Variants in TRAP1 observed in about 807,000 individuals in gnomAD.
TRAP1 encodes heat shock protein 75 kDa, mitochondrial.
In TRAP1, 102 loss-of-function variants were observed where a neutral mutation model predicts 89.1. That is an observed-to-expected ratio of 1.15 (90% CI 0.98 to 1.35). The LOEUF is 1.35. Ranked by LOEUF, TRAP1 falls within the 40% of genes most tolerant of loss-of-function variation. The pLI is 0.00. For synonymous variants in TRAP1, 508 were observed against 388.0 expected (o/e 1.31, Z -3.64); for missense variants, 1,256 against 945.3 (o/e 1.33, Z -4.31).
chr16:3,664,163 G>A, intron 13 of TRAP1, 111 bp downstream of exon 13: 1 of 1,219,998 alleles, frequency 8.2e-7, no homozygotes, highest in Non-Finnish European at 1.1e-6. Context: ...CTGACCCACT[G>A]TGCAGCCCTG....
intron 1 of TRAP1, among the ~76,000 whole-genome samples, chr16:3,715,370 G>A (rs967766992): frequency 1.6e-4 from 24 of 152,026 alleles, no homozygotes; most frequent in African/African-American, 4.1e-4. Flanking sequence ...CCCGGGAGGC[G>A]GAGCTTGCAG....
intron 5 of TRAP1, among the ~76,000 whole-genome samples, 186 bp downstream of exon 5, chr16:3,679,533 T>C (rs2051046388): frequency 6.6e-6 from 1 of 152,146 alleles, no homozygotes; most frequent in Non-Finnish European, 1.5e-5. Context: ...AACCCCTAGA[T>C]ACTGAGGGAC....
chr16:3,701,448 G>C (rs754428056), intron 1 of TRAP1, among the ~76,000 whole-genome samples: 2 of 151,788 alleles, frequency 1.3e-5, no homozygotes, highest in Non-Finnish European at 2.9e-5. Context: ...AGCACTTTGG[G>C]AGGCTGAAAC....
intron 16 of TRAP1, 118 bp downstream of exon 16, chr16:3,661,869 C>T: frequency 1.5e-6 from 2 of 1,313,856 alleles, no homozygotes; most frequent in Non-Finnish European, 2.0e-6. Context: ...TTATAGTTAC[C>T]CACATGTCCA....
At chr16:3,698,721 A>T (rs1288592928) in intron 1 of TRAP1, among the ~76,000 whole-genome samples, 1 of 152,188 alleles carries the variant, frequency 6.6e-6, no homozygotes, top group South Asian at 2.1e-4. Flanking sequence ...AGCCTGGGTA[A>T]CATGGCAAAA....
At chr16:3,680,045 C>T (rs2051054367) in intron 4 of TRAP1, 2 of 404,808 alleles carry the variant, frequency 4.9e-6, no homozygotes, top group Admixed American at 3.5e-5. Context: ...GCCTGGCCAA[C>T]ATGGTAAAAC....
intron 12 of TRAP1, chr16:3,665,488 T>A (rs2050810597): frequency 6.4e-6 from 1 of 155,934 alleles, no homozygotes; most frequent in Non-Finnish European, 1.4e-5. Context: ...GTTTCGTTTT[T>A]CAGCCATCCA....
intron 11 of TRAP1, among the ~76,000 whole-genome samples, chr16:3,667,757 AT>A (rs745741003): frequency 0.013 from 1,572 of 117,704 alleles, 14 homozygotes; most frequent in African/African-American, 0.028. Flanking sequence ...TAACACATCA[AT>A]TTTTTTTTTT....
intron 1 of TRAP1, among the ~76,000 whole-genome samples, chr16:3,692,469 G>C (rs1349813707): frequency 1.3e-5 from 2 of 151,058 alleles, no homozygotes; most frequent in Non-Finnish European, 2.9e-5. Context: ...TTGGGAAGTG[G>C]AGGTTGCAGT....
At chr16:3,699,702 C>T (rs541252860) in intron 1 of TRAP1, among the ~76,000 whole-genome samples, 10 of 151,318 alleles carry the variant, frequency 6.6e-5, no homozygotes, top group Admixed American at 1.3e-4. Flanking sequence ...AGAGATTGCT[C>T]TGTCACCCAG....
At chr16:3,694,573 A>T (rs1451175286) in intron 1 of TRAP1, among the ~76,000 whole-genome samples, 1 of 152,074 alleles carries the variant, frequency 6.6e-6, no homozygotes. Flanking sequence ...CCTGACCTCA[A>T]GTGATCTGCC....
intron 3 of TRAP1, 81 bp downstream of exon 3, chr16:3,688,974 G>C (rs2051174804): frequency 2.3e-6 from 3 of 1,284,934 alleles, no homozygotes; most frequent in South Asian, 1.3e-5. Context: ...ATATTATCTG[G>C]CAATTCTCCA....
intron 1 of TRAP1, among the ~76,000 whole-genome samples, chr16:3,714,436 G>A (rs1335400570): frequency 2.0e-5 from 3 of 152,162 alleles, no homozygotes; most frequent in Admixed American, 1.3e-4. Flanking sequence ...CAAGGCTAGT[G>A]GATCATGAGG....
At position 3,662,978 on chromosome 16, in the gene TRAP1, G is replaced by T. The variant is rs373961891; in HGVS notation, c.1709-11C>A. 1.3e-4 allele frequency: 215 copies of T among 1,597,574 alleles called. 1 individual carries two copies. Among genetic ancestry groups the T allele is most frequent in the Admixed American group, 6.5e-4 (38 of 58,770 alleles). On this transcript the variant is annotated splice_polypyrimidine_tract_variant and intron_variant, in intron 14 of 17. Coordinates refer to ENST00000246957, the MANE Select transcript of TRAP1 (RefSeq NM_016292.3). ...ATAGGCACTCGGCGGCTGCGGAAGA[G>T]CAGGCGACAGGGAGCTCAGGCCTGC...
At chr16:3,669,598 G>A (rs878934384) in intron 11 of TRAP1, among the ~76,000 whole-genome samples, 1 of 152,000 alleles carries the variant, frequency 6.6e-6, no homozygotes, top group Non-Finnish European at 1.5e-5. Context: ...ACTTTGGGAG[G>A]CCGAGGCAGG....
In TRAP1 at chr16:3,672,591, T is replaced by C. The variant is rs1241241930; in HGVS notation, c.1165+109A>G. On this transcript the variant is annotated intron_variant, in intron 10 of 17. Coordinates refer to ENST00000246957, the MANE Select transcript of TRAP1 (RefSeq NM_016292.3). ...CACAGGCAGCGCAGGCCGACGGCGGTGCTCTCGCTGCAGAGGGCTGCTGAG... is the reference window on the plus strand; with the variant it reads ...CACAGGCAGCGCAGGCCGACGGCGGCGCTCTCGCTGCAGAGGGCTGCTGAG... 2.8e-6 allele frequency: 4 copies of C among 1,441,378 alleles called. No individual in the cohort carries two copies. In the Admixed American group the frequency reaches 7.9e-5, roughly 29 times the overall value. 89.3% of individuals were successfully genotyped at this position (1,441,378 alleles called of 1,614,324 possible). A position where few individuals can be genotyped will look rare whatever the true frequency, so the allele number is the denominator to read the frequency against.
At chr16:3,679,893 A>G in intron 4 of TRAP1, 103 bp from the exon 5 acceptor site, 1 of 1,094,100 alleles carries the variant, frequency 9.1e-7, no homozygotes, top group Non-Finnish European at 1.4e-6. Context: ...GACATTGGCC[A>G]GACAGGGCCC....
chr16:3,715,463 T>C (rs1432487116), intron 1 of TRAP1, among the ~76,000 whole-genome samples: 1 of 151,370 alleles, frequency 6.6e-6, no homozygotes, highest in South Asian at 2.1e-4. Context: ...GAAAAAGAGA[T>C]AAAGAAACAG....
chr16:3,665,015 G>T, intron 12 of TRAP1: 1 of 154,202 alleles, frequency 6.5e-6, no homozygotes, highest in East Asian at 1.9e-4. Flanking sequence ...GGGGAAAACA[G>T]AAAGAGGGAA....
Sources: allele counts gnomAD v4.1 joint callset (sites outside exome capture counted in the v4.1 genomes callset), GRCh38; gene constraint gnomAD v4.1.1; transcripts MANE v1.5; gene names NCBI Gene and HGNC (gene_info 2026-07-23, HGNC 2026-07-21).